The following ARHGAP32 variants were observed in gnomAD, a reference collection of about 807,000 sequenced individuals.
ARHGAP32 encodes rho GTPase-activating protein 32.
In ARHGAP32, 51 loss-of-function variants were observed where a neutral mutation model predicts 186.5. The ratio of observed to expected loss-of-function variants is 0.27; its 90% CI spans 0.22 to 0.35. The LOEUF is 0.35. Among genes scored for constraint, ARHGAP32 ranks in the 10% least tolerant of loss-of-function variants. The probability of loss-of-function intolerance (pLI) is 1.00; values close to 1 mark genes in which losing one functional copy is unlikely to be tolerated. For missense variants in ARHGAP32, 2,186 were observed against 2,623.5 expected, an observed-to-expected ratio of 0.83 and a Z score of 3.64; for synonymous variants, 950 against 964.3, an observed-to-expected ratio of 0.99 and a Z score of 0.27.
chr11:128,987,938 G>T, intron 13 of ARHGAP32, 85 bp downstream of exon 13: 1 of 856,218 alleles, frequency 1.2e-6, no homozygotes, highest in Non-Finnish European at 1.9e-6. Flanking sequence ...ATGAAAATAG[G>T]TTATCAAAGT....
chr11:129,120,136 G>A (rs1401663423), intron 5 of ARHGAP32, among the ~76,000 whole-genome samples: 2 of 152,086 alleles, frequency 1.3e-5, no homozygotes, highest in African/African-American at 4.8e-5. Context: ...GGTGATAGCA[G>A]AGAAGCAGGT....
Position 128,973,279 on chromosome 11 carries a change from G to A in ARHGAP32, c.3227C>T (p.Pro1076Leu). 1 of 1,613,980 alleles carries A rather than the reference G, an allele frequency of 6.2e-7. No homozygotes were observed. Among genetic ancestry groups the A allele is most frequent in the Non-Finnish European group, 8.5e-7 (1 of 1,180,018 alleles). The change falls in exon 22 of 23, where the codon CCA becomes CTA. Residue 1076 changes from proline (P) to leucine (L), a missense_variant. Pro to Leu is a moderately conservative substitution (Grantham distance 98). Around this residue, in one of 5 missense-constraint regions of ARHGAP32, gnomAD observed 1,502 missense variants for 1,570.0 expected, o/e 0.96. Coordinates refer to ENST00000682385, the MANE Select transcript of ARHGAP32 (RefSeq NM_001378024.1). Reference sequence around the variant, plus strand: ...TGTATACCCAGCCTGAGAGGTCCCTGGTCTCTTCAATGACTGAGTTGAGGC... The same window carrying A: ...TGTATACCCAGCCTGAGAGGTCCCTAGTCTCTTCAATGACTGAGTTGAGGC... The part of the protein sequence containing the change: ...QQASTQSLKR[P>L]GTSQAGYTNY...
chr11:129,161,608 A>T (rs191294666), intron 2 of ARHGAP32, among the ~76,000 whole-genome samples: 37 of 152,352 alleles, frequency 2.4e-4, no homozygotes, highest in African/African-American at 7.5e-4. Context: ...ATACCACCTC[A>T]CACTAGTTAG....
At chr11:129,171,936 T>C (rs993786960) in intron 1 of ARHGAP32, among the ~76,000 whole-genome samples, 1 of 152,216 alleles carries the variant, frequency 6.6e-6, no homozygotes, top group Non-Finnish European at 1.5e-5. Flanking sequence ...GTAGCAATTA[T>C]GAATGTGAGT....
chr11:129,263,715 G>C (rs1200616397), intron 1 of ARHGAP32, among the ~76,000 whole-genome samples: 1 of 151,780 alleles, frequency 6.6e-6, no homozygotes, highest in East Asian at 1.9e-4. Context: ...AAGAGGAAAG[G>C]AAAGGAAAGG....
intron 1 of ARHGAP32, among the ~76,000 whole-genome samples, chr11:129,242,258 C>T (rs1321622353): frequency 6.6e-6 from 1 of 152,180 alleles, no homozygotes; most frequent in Non-Finnish European, 1.5e-5. Context: ...CAAGTGATAC[C>T]TCCTCCTAGC....
chr11:129,065,123 A>G (rs7945476), intron 7 of ARHGAP32, among the ~76,000 whole-genome samples, 190 bp from the exon 8 acceptor site: 3,104 of 152,258 alleles, frequency 0.02, 53 homozygotes, highest in African/African-American at 0.045. Context: ...TGTCTCATGC[A>G]GAGCTTCAAT....
intron 5 of ARHGAP32, among the ~76,000 whole-genome samples, chr11:129,098,550 G>A (rs1057355229): frequency 2.0e-5 from 3 of 151,680 alleles, no homozygotes; most frequent in Non-Finnish European, 2.9e-5. Context: ...CTCCTGAATA[G>A]CTGGGACTAC....
intron 5 of ARHGAP32, among the ~76,000 whole-genome samples, chr11:129,117,852 A>G (rs1942412159): frequency 6.6e-6 from 1 of 151,832 alleles, no homozygotes; most frequent in African/African-American, 2.4e-5. Context: ...TGCGTGTTAC[A>G]AGAGATTCCC....
At chr11:128,971,798 A>G (rs539666457) in intron 22 of ARHGAP32, 1 of 152,416 alleles carries the variant, frequency 6.6e-6, no homozygotes, top group African/African-American at 2.4e-5. Flanking sequence ...CAAGGTGACC[A>G]TATAGAAGAA....
chr11:129,194,714 T>C (rs1032616353), upstream of ARHGAP32, among the ~76,000 whole-genome samples: 19 of 151,294 alleles, frequency 1.3e-4, no homozygotes, highest in Admixed American at 7.2e-4. Flanking sequence ...GATCACGCCA[T>C]TGCACTCCAG....
chr11:129,237,833 G>A (rs1944956529), intron 1 of ARHGAP32, among the ~76,000 whole-genome samples: 1 of 152,152 alleles, frequency 6.6e-6, no homozygotes, highest in African/African-American at 2.4e-5. Flanking sequence ...ACACTGAGAA[G>A]GATAATCTGG....
chr11:129,143,407 T>C (rs1943103113), intron 2 of ARHGAP32, among the ~76,000 whole-genome samples: 1 of 152,168 alleles, frequency 6.6e-6, no homozygotes, highest in Admixed American at 6.5e-5. Context: ...AGTTTTAAAC[T>C]GCATGCAGTT....
At chr11:129,231,005 G>A (rs1036941287) in intron 1 of ARHGAP32, among the ~76,000 whole-genome samples, 1 of 151,960 alleles carries the variant, frequency 6.6e-6, no homozygotes, top group African/African-American at 2.4e-5. Context: ...CATGGTGGTG[G>A]GTGCCTGTAA....
Position 128,998,483 on chromosome 11 carries a change from A to C in ARHGAP32, c.1046-15T>G, listed in dbSNP as rs1565366483. On this transcript the variant is annotated splice_polypyrimidine_tract_variant and intron_variant, in intron 11 of 22. Transcript: ENST00000682385. ...CTTTTTAGACACTAAAAATCAATAA[A>C]GAGAAAAGATCTTAGTTGTGGCAAG... is the stretch of plus-strand genomic sequence containing the variant. 1 of 1,527,036 alleles carries C rather than the reference A, an allele frequency of 6.5e-7. No homozygotes were observed. Among genetic ancestry groups the C allele is most frequent in the East Asian group, 2.3e-5 (1 of 43,186 alleles). The allele number at this position is 1,527,036 out of a possible 1,614,324, so 94.6% of individuals were successfully genotyped here. A position where few individuals can be genotyped will look rare whatever the true frequency, so the allele number is the denominator to read the frequency against.
intron 1 of ARHGAP32, among the ~76,000 whole-genome samples, chr11:129,243,563 T>C (rs941872292): frequency 9.9e-5 from 15 of 152,154 alleles, no homozygotes; most frequent in African/African-American, 3.4e-4. Flanking sequence ...TCCTAAAACA[T>C]AGTTCTCATC....
intron 1 of ARHGAP32, among the ~76,000 whole-genome samples, chr11:129,275,067 T>A (rs1449775052): frequency 6.6e-6 from 1 of 152,216 alleles, no homozygotes; most frequent in African/African-American, 2.4e-5. Flanking sequence ...AGCAAGTGAT[T>A]AATAAAAATA....
chr11:129,135,527 G>A (rs1343176781), intron 2 of ARHGAP32, among the ~76,000 whole-genome samples: 1 of 152,174 alleles, frequency 6.6e-6, no homozygotes, highest in Non-Finnish European at 1.5e-5. Flanking sequence ...CAGCACTTTG[G>A]GAGGCCAAGG....
intron 1 of ARHGAP32, among the ~76,000 whole-genome samples, chr11:129,198,861 G>A (rs1944425752): frequency 1.3e-5 from 2 of 152,168 alleles, no homozygotes; most frequent in African/African-American, 4.8e-5. Flanking sequence ...GAAAAATGTG[G>A]GAAAGTTTGG....
Sources: gnomAD v4.1 joint callset for allele counts (sites outside exome capture counted in the v4.1 genomes callset) on GRCh38, gnomAD v4.1.1 for gene constraint, gnomAD v4.1.1 regional missense constraint, MANE v1.5 for transcripts, NCBI Gene and HGNC (gene_info 2026-07-23, HGNC 2026-07-21) for gene names.